The following CLMN variants were observed in gnomAD, a reference collection of about 807,000 sequenced individuals.
CLMN encodes calmin, also known as calmin (calponin-like, transmembrane).
Under a neutral mutation model 92.7 loss-of-function variants are expected in CLMN, and 57 were observed. That is an observed-to-expected ratio of 0.61 (90% CI 0.50 to 0.77). The LOEUF is 0.77. Ranked by LOEUF, CLMN falls within the 30% of genes least tolerant of loss-of-function variation. The probability of loss-of-function intolerance (pLI) is 0.00; values close to 1 mark genes in which losing one functional copy is unlikely to be tolerated. For synonymous variants in CLMN, 466 were observed against 470.6 expected, an observed-to-expected ratio of 0.99 and a Z score of 0.13; for missense variants, 1,158 against 1,237.5, an observed-to-expected ratio of 0.94 and a Z score of 0.96.
chr14:95,243,420 G>A (rs914356961), intron 1 of CLMN, among the ~76,000 whole-genome samples: 4 of 152,054 alleles, frequency 2.6e-5, no homozygotes, highest in African/African-American at 4.8e-5. Context: ...ATTTTCTCCC[G>A]CCATCACCAA....
rs188700524 is a variant in CLMN, at chr14:95,197,784, A to T, written c.2512-1090T>A. Among the ~76,000 whole-genome samples the T allele has an allele frequency of 2.1e-3, 321 of 152,224 alleles. 1 individual carries two copies. Among genetic ancestry groups the T allele is most frequent in the Non-Finnish European group, 4.0e-3 (269 of 68,014 alleles). On this transcript the variant is annotated intron_variant, in intron 9 of 12. Coordinates refer to ENST00000298912, the MANE Select transcript of CLMN (RefSeq NM_024734.4). ...AAGAATTCTTTTAGGGGCTGGAAGA[A>T]CCTGTTCAACAGGTGTCAGAATAAG...
chr14:95,284,669 T>C (rs1261686882), intron 1 of CLMN, among the ~76,000 whole-genome samples: 1 of 152,144 alleles, frequency 6.6e-6, no homozygotes, highest in Non-Finnish European at 1.5e-5. Flanking sequence ...GCACAGGCCC[T>C]GTAACCCCTT....
At chr14:95,270,196 T>C (rs1362817096) in intron 1 of CLMN, among the ~76,000 whole-genome samples, 2 of 152,090 alleles carry the variant, frequency 1.3e-5, no homozygotes, top group South Asian at 2.1e-4. Context: ...TTGTTGACCA[T>C]CTCCCCATCC....
At chr14:95,243,902 G>A (rs897880833) in intron 1 of CLMN, among the ~76,000 whole-genome samples, 5 of 152,098 alleles carry the variant, frequency 3.3e-5, no homozygotes, top group African/African-American at 4.8e-5. Flanking sequence ...GTGGGGCCTG[G>A]TGGGAGGTGA....
chr14:95,214,959 CCTT>C (rs1443743999), intron 5 of CLMN, among the ~76,000 whole-genome samples: 1 of 152,162 alleles, frequency 6.6e-6, no homozygotes, highest in African/African-American at 2.4e-5. Context: ...CCAGCTCTCT[CCTT>C]CTGACAGGGA....
intron 1 of CLMN, among the ~76,000 whole-genome samples, chr14:95,265,784 G>A (rs1899449834): frequency 6.6e-6 from 1 of 152,226 alleles, no homozygotes; most frequent in Non-Finnish European, 1.5e-5. Context: ...GCAGAAAGAG[G>A]AAGGGCCTCC....
rs1474077425 is a variant in CLMN at position 95,268,286 on chromosome 14, T to C, written c.83-38153A>G. ...ATTGCACATACCCTGAAAATATGTG[T>C]ATCGTTTATGTAACAATTTTGTAAA... On this transcript the variant is annotated intron_variant, in intron 1 of 12. Coordinates refer to ENST00000298912, the MANE Select transcript of CLMN (RefSeq NM_024734.4). Among the ~76,000 whole-genome samples the C allele has an allele frequency of 2.0e-5, 3 of 152,188 alleles. No individual in the cohort carries two copies. In the East Asian group the frequency reaches 5.8e-4, roughly 29 times the overall value.
chr14:95,274,928 T>A (rs1361886492), intron 1 of CLMN, among the ~76,000 whole-genome samples: 2 of 142,854 alleles, frequency 1.4e-5, no homozygotes, highest in African/African-American at 2.7e-5. Context: ...TGCAGTGAGA[T>A]GAGATAGCAC....
intron 1 of CLMN, among the ~76,000 whole-genome samples, chr14:95,244,671 A>G (rs1300679240): frequency 6.6e-6 from 1 of 152,172 alleles, no homozygotes; most frequent in Non-Finnish European, 1.5e-5. Flanking sequence ...CCCTCTATAT[A>G]TGCTATGAAA....
intron 5 of CLMN, 132 bp from the exon 6 acceptor site, chr14:95,213,541 G>T: frequency 1.3e-6 from 1 of 777,884 alleles, no homozygotes; most frequent in Non-Finnish European, 2.0e-6. Context: ...TGAATGCAGA[G>T]AAACCCTTTC....
intron 1 of CLMN, among the ~76,000 whole-genome samples, chr14:95,306,415 C>T (rs535204411): frequency 1.3e-4 from 20 of 152,022 alleles, no homozygotes; most frequent in Middle Eastern, 3.4e-3. Flanking sequence ...CGGGAAGCGG[C>T]GGCTGAGGCA....
intron 5 of CLMN, among the ~76,000 whole-genome samples, chr14:95,214,807 C>G (rs888929355): frequency 2.0e-5 from 3 of 151,978 alleles, no homozygotes; most frequent in Non-Finnish European, 2.9e-5. Flanking sequence ...TGTTTGTGCT[C>G]ATGCTTCTCT....
In CLMN at chr14:95,221,754, C is replaced by T. The variant is rs189587823; in HGVS notation, c.261G>A (p.Ser87=). Residue 87 remains serine, a synonymous_variant, in exon 4 of 13, where the codon TCG becomes TCA. Transcript: ENST00000298912. ...GRNLLHEYKS[S]SHRIFRLNNI... ...TGTTCAACCGAAAAATACGATGCGA[C>T]GAGGATTTGTATTCGTGCAGCTATA... 1.4e-5 allele frequency: 23 copies of T among 1,614,138 alleles called. No homozygotes were observed. The South Asian group carries it at 1.5e-4, about 11-fold the overall frequency.
rs140106985 is a variant in CLMN, at chr14:95,244,988, TAC to T, written c.83-14857_83-14856del. ...TAGCATATATACACATATATGTGTA[TAC>T]ACACACACACACACACACACATAAG... On this transcript the variant is annotated intron_variant, in intron 1 of 12. Transcript: ENST00000298912. Among the ~76,000 whole-genome samples, 106 of 135,820 alleles carry T rather than the reference TAC, an allele frequency of 7.8e-4. 1 individual carries two copies. Among genetic ancestry groups the T allele is most frequent in the East Asian group, 1.8e-3 (8 of 4,376 alleles). The allele number at this position is 135,820 out of a possible 152,430, so 89.1% of individuals were successfully genotyped here. A position where few individuals can be genotyped will look rare whatever the true frequency, so the allele number is the denominator to read the frequency against.
At chr14:95,258,919 T>C (rs1410657096) in intron 1 of CLMN, among the ~76,000 whole-genome samples, 1 of 151,496 alleles carries the variant, frequency 6.6e-6, no homozygotes, top group African/African-American at 2.4e-5. Context: ...GTGGAGGATA[T>C]GTGTATATGT....
chr14:95,269,081 G>A (rs141726465), intron 1 of CLMN, among the ~76,000 whole-genome samples: 10 of 152,058 alleles, frequency 6.6e-5, no homozygotes, highest in South Asian at 4.2e-4. Flanking sequence ...GATTACAGGC[G>A]TGAGCCACCG....
intron 2 of CLMN, among the ~76,000 whole-genome samples, chr14:95,226,318 T>C (rs1897709221): frequency 6.6e-6 from 1 of 152,288 alleles, no homozygotes; most frequent in East Asian, 1.9e-4. Context: ...TTATACTCTA[T>C]CGTTCAGGGA....
intron 1 of CLMN, among the ~76,000 whole-genome samples, chr14:95,285,828 C>T (rs1001117363): frequency 3.9e-5 from 6 of 151,982 alleles, no homozygotes; most frequent in Admixed American, 3.9e-4. Flanking sequence ...CGGCCACACC[C>T]TCCACTCATG....
intron 10 of CLMN, among the ~76,000 whole-genome samples, chr14:95,195,558 T>C (rs554606218): frequency 4.6e-5 from 7 of 152,318 alleles, no homozygotes; most frequent in African/African-American, 1.4e-4. Flanking sequence ...AGTTTTCTGT[T>C]GCAGCTTGTA....
Sources: gnomAD v4.1 joint callset for allele counts (sites outside exome capture counted in the v4.1 genomes callset) on GRCh38, gnomAD v4.1.1 for gene constraint, MANE v1.5 for transcripts, NCBI Gene and HGNC (gene_info 2026-07-23, HGNC 2026-07-21) for gene names.